NT5C1A: variants seen among roughly 807,000 people sequenced by gnomAD.
The protein encoded by NT5C1A is 5'-nucleotidase, cytosolic IA.
In NT5C1A, 18 loss-of-function variants were observed where a neutral mutation model predicts 31.0. The observed-to-expected ratio is 0.58, with a 90% CI of 0.40 to 0.86. The LOEUF (loss-of-function observed/expected upper bound fraction) is 0.86, where lower values mean the gene tolerates loss of function less well. Ranked by LOEUF, NT5C1A falls within the 40% of genes least tolerant of loss-of-function variation. The probability of loss-of-function intolerance (pLI) is 0.00; values close to 1 mark genes in which losing one functional copy is unlikely to be tolerated. For synonymous variants in NT5C1A, 185 were observed against 203.6 expected, an observed-to-expected ratio of 0.91 and a Z score of 0.78; for missense variants, 470 against 505.4, an observed-to-expected ratio of 0.93 and a Z score of 0.67.
At chr1:39,669,433 G>C (rs945033585) in intron 1 of NT5C1A, among the ~76,000 whole-genome samples, 3 of 152,162 alleles carry the variant, frequency 2.0e-5, no homozygotes, top group Non-Finnish European at 2.9e-5. Context: ...CATGAGGTGA[G>C]GGCCTCCAAC....
rs893145758 is a variant in NT5C1A, at chr1:39,657,179, C to T, written c.*1942G>A. 6.6e-6 allele frequency among the ~76,000 whole-genome samples: 1 copy of T among 152,208 alleles called. No individual in the cohort carries two copies. Among genetic ancestry groups the T allele is most frequent in the Non-Finnish European group, 1.5e-5 (1 of 68,036 alleles). On this transcript the variant is annotated 3_prime_UTR_variant, in exon 6 of 6. Transcript: ENST00000235628. ...ACAGCCATACCCTTCCTCCCTGGGACCAGCCTCATGGAGACCTCTGACAAT... is the reference window on the plus strand; with the variant it reads ...ACAGCCATACCCTTCCTCCCTGGGATCAGCCTCATGGAGACCTCTGACAAT...
At chr1:39,671,107 C>T (rs909350637) in intron 1 of NT5C1A, among the ~76,000 whole-genome samples, 5 of 152,198 alleles carry the variant, frequency 3.3e-5, no homozygotes, top group African/African-American at 1.2e-4. Context: ...GGGCCAACCT[C>T]TATTCTCGGT....
At chr1:39,661,415 T>C in intron 4 of NT5C1A, 152 bp from the exon 5 acceptor site, 1 of 496,314 alleles carries the variant, frequency 2.0e-6, no homozygotes, top group Non-Finnish European at 3.7e-6. Context: ...AAACTGGTAG[T>C]GCATGGATCC....
At chr1:39,662,795 G>A (rs775600069) in intron 4 of NT5C1A, among the ~76,000 whole-genome samples, 4 of 152,156 alleles carry the variant, frequency 2.6e-5, no homozygotes, top group Admixed American at 6.5e-5. Flanking sequence ...ACACATAGAG[G>A]GACATTCTCT....
In NT5C1A at chr1:39,654,161, C is replaced by A. The variant is rs974718282; in HGVS notation, c.*4960G>T. Among the ~76,000 whole-genome samples the A allele has an allele frequency of 6.6e-6, 1 of 152,204 alleles. No homozygotes were observed. Among genetic ancestry groups the A allele is most frequent in the Non-Finnish European group, 1.5e-5 (1 of 68,026 alleles). ...TCTAAATTTGCAGAGTCCTAGAATT[C>A]TCCTGATCCACAATTCCATTATGAG... On this transcript the variant is annotated 3_prime_UTR_variant, in exon 6 of 6. Transcript: ENST00000235628.
Position 39,665,569 on chromosome 1 carries a change from T to G in NT5C1A, c.385A>C (p.Asn129His). Residue 129 changes from asparagine to histidine, a missense_variant, in exon 3 of 6, where the codon AAC (asparagine) becomes CAC (histidine). Physicochemically the swap from Asn to His is moderately conservative, Grantham distance 68 (BLOSUM62 1). Coordinates refer to ENST00000235628, the MANE Select transcript of NT5C1A (RefSeq NM_032526.3). The part of the protein sequence containing the change: ...DVFDIVLMTN[N>H]HAQVGVRLIN... ...AGGCGGACACCCACTTGAGCATGGT[T>G]GTTAGTCATGAGGACGATGTCGAAG... is the stretch of plus-strand genomic sequence containing the variant. The G allele has an allele frequency of 2.5e-6, 4 of 1,613,586 alleles. No individual in the cohort carries two copies. The highest frequency in any genetic ancestry group is 3.4e-6 in the Non-Finnish European group (4 of 1,179,934).
At chr1:39,669,456 G>A (rs972038843) in intron 1 of NT5C1A, among the ~76,000 whole-genome samples, 6 of 152,310 alleles carry the variant, frequency 3.9e-5, no homozygotes, top group East Asian at 1.9e-4. Flanking sequence ...GCCTTCAGGC[G>A]TTAAATATTT....
chr1:39,664,660 T>C (rs1409237767), intron 3 of NT5C1A, among the ~76,000 whole-genome samples: 2 of 148,086 alleles, frequency 1.4e-5, no homozygotes, highest in East Asian at 2.0e-4. Context: ...ACCAGGCTAA[T>C]TTTTGTATTT....
Position 39,666,489 on chromosome 1 carries a change from A to G in NT5C1A, c.136-253T>C, listed in dbSNP as rs538271884. ...ATGGAGGGAGGGCCATGCCCTTGGG[A>G]GTTTGCAATCTAGCCAGGCATCTGG... On this transcript the variant is annotated intron_variant, in intron 1 of 5. Coordinates refer to ENST00000235628, the MANE Select transcript of NT5C1A (RefSeq NM_032526.3). Among the ~76,000 whole-genome samples, 11 of 152,284 alleles carry G rather than the reference A, an allele frequency of 7.2e-5. No individual in the cohort carries two copies. In the South Asian group the frequency reaches 2.1e-3, roughly 29 times the overall value.
intron 5 of NT5C1A, among the ~76,000 whole-genome samples, chr1:39,660,076 C>T (rs1307485239): frequency 6.6e-6 from 1 of 152,144 alleles, no homozygotes; most frequent in African/African-American, 2.4e-5. Context: ...TGCTTATTTC[C>T]AAAGCAGCTA....
At chr1:39,671,520 C>G (rs1306875819) in intron 1 of NT5C1A, among the ~76,000 whole-genome samples, 1 of 152,228 alleles carries the variant, frequency 6.6e-6, no homozygotes, top group Non-Finnish European at 1.5e-5. Flanking sequence ...GAGCGCACAG[C>G]CAGGAACCGG....
intron 3 of NT5C1A, among the ~76,000 whole-genome samples, chr1:39,664,043 C>T (rs1401824473): frequency 6.6e-6 from 1 of 152,148 alleles, no homozygotes. Flanking sequence ...TTACGATCAA[C>T]CCTGCTCCCA....
rs950274755 is a variant in NT5C1A at position 39,655,394 on chromosome 1, C to T, written c.*3727G>A. The stretch of plus-strand genomic sequence containing the variant: ...GGAAGTGCTTCTGGGGGTTCACAAA[C>T]GTTTGGCTCTAATTTAAATTATTTG... On this transcript the variant is annotated 3_prime_UTR_variant, in exon 6 of 6. Coordinates refer to ENST00000235628, the MANE Select transcript of NT5C1A (RefSeq NM_032526.3). 1.3e-5 allele frequency among the ~76,000 whole-genome samples: 2 copies of T among 152,138 alleles called. No homozygotes were observed. The highest frequency in any genetic ancestry group is 2.1e-4 in the South Asian group (1 of 4,828).
intron 1 of NT5C1A, among the ~76,000 whole-genome samples, chr1:39,670,195 T>C (rs1570463475): frequency 6.6e-6 from 1 of 152,254 alleles, no homozygotes; most frequent in South Asian, 2.1e-4. Flanking sequence ...GCGGCTAGAA[T>C]GCCAGTGCAG....
At position 39,652,030 on chromosome 1, in the gene NT5C1A, CAAAAAAAAAAAAAAAAAAAAA is replaced by C. The variant is rs61024293; in HGVS notation, c.*7070_*7090del. On this transcript the variant is annotated 3_prime_UTR_variant, in exon 6 of 6. Coordinates refer to ENST00000235628, the MANE Select transcript of NT5C1A (RefSeq NM_032526.3). The stretch of plus-strand genomic sequence containing the variant: ...TGAGTGACAGAGCAAGACTCCGTCT[CAAAAAAAAAAAAAAAAAAAAA>C]AAAAAAAAAAAAAAAAGAAGTTTGT... Among the ~76,000 whole-genome samples, 3,529 of 37,974 alleles carry C rather than the reference CAAAAAAAAAAAAAAAAAAAAA, an allele frequency of 0.093. 220 individuals are homozygous for C. The highest frequency in any genetic ancestry group is 0.23 in the African/African-American group (3,272 of 14,162). The allele number at this position is 37,974 out of a possible 152,430, so 24.9% of individuals were successfully genotyped here.
At position 39,672,087 on chromosome 1, in the gene NT5C1A, G is replaced by C. The variant is rs201267553; in HGVS notation, c.-49C>G. ...CCAGAGCAGGCGGCGGCGTAGACGC[G>C]GAGGTGGCTGGGGCTGGGCTGCAGG... On this transcript the variant is annotated 5_prime_UTR_variant, in exon 1 of 6. Transcript: ENST00000235628. 1,962 of 1,421,416 alleles carry C rather than the reference G, an allele frequency of 1.4e-3. 28 individuals carry two copies. In the African/African-American group the frequency reaches 0.026, roughly 19 times the overall value. The allele number at this position is 1,421,416 out of a possible 1,614,324, so 88.1% of individuals were successfully genotyped here.
At position 39,655,144 on chromosome 1, in the gene NT5C1A, G is replaced by A. The variant is rs1646453289; in HGVS notation, c.*3977C>T. ...TTTAGTAGAGACGGGGTTTCATCAT[G>A]TTGGGCAGGATGGTCTCGATCTCCT... On this transcript the variant is annotated 3_prime_UTR_variant, in exon 6 of 6. Coordinates refer to ENST00000235628, the MANE Select transcript of NT5C1A (RefSeq NM_032526.3). 6.6e-6 allele frequency among the ~76,000 whole-genome samples: 1 copy of A among 152,170 alleles called. No homozygotes were observed.
chr1:39,663,044 G>A (rs1646499871), intron 4 of NT5C1A, among the ~76,000 whole-genome samples: 1 of 152,200 alleles, frequency 6.6e-6, no homozygotes, highest in African/African-American at 2.4e-5. Context: ...TGTAGAGAGG[G>A]TTTCCATGGA....
intron 5 of NT5C1A, among the ~76,000 whole-genome samples, chr1:39,660,127 G>A (rs545368950): frequency 1.3e-5 from 2 of 152,296 alleles, no homozygotes; most frequent in South Asian, 2.1e-4. Flanking sequence ...GAGACCTCTC[G>A]CTTGCTAGGT....
Sources: allele counts gnomAD v4.1 joint callset (sites outside exome capture counted in the v4.1 genomes callset), GRCh38; gene constraint gnomAD v4.1.1; transcripts MANE v1.5; gene names NCBI Gene and HGNC (gene_info 2026-07-23, HGNC 2026-07-21).